Variants in ADCY2 observed in about 807,000 individuals in gnomAD.
ADCY2 encodes adenylate cyclase 2.
Under a neutral mutation model 125.2 loss-of-function variants are expected in ADCY2, and 31 were observed. The ratio of observed to expected loss-of-function variants is 0.25; its 90% CI spans 0.19 to 0.33. ADCY2 has a LOEUF of 0.33. Among genes scored for constraint, ADCY2 ranks in the 10% least tolerant of loss-of-function variants. The pLI is 1.00. For synonymous variants in ADCY2, 512 were observed against 548.4 expected (o/e 0.93, Z 0.93); for missense variants, 904 against 1,418.2 (o/e 0.64, Z 5.82).
intron 4 of ADCY2, among the ~76,000 whole-genome samples, chr5:7,673,466 C>A (rs1740010822): frequency 6.6e-6 from 1 of 151,360 alleles, no homozygotes; most frequent in African/African-American, 2.4e-5. Flanking sequence ...TCAAACAAAC[C>A]TACAATGTGC....
intron 3 of ADCY2, among the ~76,000 whole-genome samples, chr5:7,538,557 T>C (rs1420167151): frequency 6.6e-6 from 1 of 152,206 alleles, no homozygotes; most frequent in Non-Finnish European, 1.5e-5. Context: ...GAACTTCTGC[T>C]TGAAATATTT....
chr5:7,804,427 T>G (rs17242064), intron 21 of ADCY2, among the ~76,000 whole-genome samples, 158 bp from the exon 22 acceptor site: 3,982 of 152,292 alleles, frequency 0.026, 72 homozygotes, highest in Non-Finnish European at 0.038. Flanking sequence ...ACAAGAAGTT[T>G]TCATTCCTGG....
At chr5:7,422,087 A>G (rs2126352781) in intron 2 of ADCY2, among the ~76,000 whole-genome samples, 1 of 152,350 alleles carries the variant, frequency 6.6e-6, no homozygotes, top group East Asian at 1.9e-4. Flanking sequence ...GGCATTGATT[A>G]AATCCTTCTT....
intron 3 of ADCY2, among the ~76,000 whole-genome samples, chr5:7,577,082 G>T (rs963766188): frequency 6.6e-6 from 1 of 152,070 alleles, no homozygotes; most frequent in African/African-American, 2.4e-5. Context: ...CCTTTAGTTT[G>T]TGATACGAAG....
intron 18 of ADCY2, among the ~76,000 whole-genome samples, chr5:7,773,803 C>G (rs1743629580): frequency 6.6e-6 from 1 of 152,190 alleles, no homozygotes; most frequent in Non-Finnish European, 1.5e-5. Flanking sequence ...CAGGTGTACT[C>G]ACTGAGGTTT....
At chr5:7,402,732 G>T (rs1271436773) in intron 1 of ADCY2, among the ~76,000 whole-genome samples, 4 of 151,976 alleles carry the variant, frequency 2.6e-5, no homozygotes, top group African/African-American at 9.7e-5. Flanking sequence ...TCAATTATAG[G>T]GCAATTAAAA....
intron 2 of ADCY2, among the ~76,000 whole-genome samples, chr5:7,475,620 G>A (rs756813779): frequency 6.6e-6 from 1 of 152,132 alleles, no homozygotes; most frequent in Non-Finnish European, 1.5e-5. Flanking sequence ...GACTTCTGGC[G>A]ATCCACCCGC....
rs1402199622 is a variant in ADCY2, at chr5:7,743,545, A to C, written c.1872-123A>C. The C allele has an allele frequency of 5.9e-5, 49 of 836,518 alleles. No homozygotes were observed. In the Admixed American group the frequency reaches 1.1e-3, roughly 19 times the overall value. 51.8% of individuals were successfully genotyped at this position (836,518 alleles called of 1,614,324 possible). On this transcript the variant is annotated intron_variant, in intron 14 of 24. Transcript: ENST00000338316. Reference sequence around the variant, plus strand: ...TTAGCTCCATTTTTATTTCTCAAAAATTTAGTGAGGATTGCAGTCTGCATT... The same window carrying C: ...TTAGCTCCATTTTTATTTCTCAAAACTTTAGTGAGGATTGCAGTCTGCATT...
At chr5:7,399,894 TA>T (rs1739199088) in intron 1 of ADCY2, among the ~76,000 whole-genome samples, 1 of 152,230 alleles carries the variant, frequency 6.6e-6, no homozygotes, top group East Asian at 1.9e-4. Flanking sequence ...TTTTAAGTCA[TA>T]AATCTTATCA....
chr5:7,638,064 T>A (rs975942262), intron 4 of ADCY2, among the ~76,000 whole-genome samples: 2 of 152,216 alleles, frequency 1.3e-5, no homozygotes, highest in Non-Finnish European at 2.9e-5. Flanking sequence ...CAGCAACAGA[T>A]ATCCTGAGCC....
At chr5:7,616,740 G>A (rs959843424) in intron 3 of ADCY2, among the ~76,000 whole-genome samples, 10 of 152,100 alleles carry the variant, frequency 6.6e-5, no homozygotes, top group African/African-American at 2.2e-4. Flanking sequence ...ATATTGTGAT[G>A]GACTGAATTG....
chr5:7,456,541 A>C (rs1429302554), intron 2 of ADCY2, among the ~76,000 whole-genome samples: 1 of 152,222 alleles, frequency 6.6e-6, no homozygotes, highest in African/African-American at 2.4e-5. Context: ...TATTGCGATC[A>C]GGCTCAAGAA....
At chr5:7,510,490 A>G (rs899620145) in intron 2 of ADCY2, among the ~76,000 whole-genome samples, 1 of 152,174 alleles carries the variant, frequency 6.6e-6, no homozygotes, top group African/African-American at 2.4e-5. Context: ...GATTCAGTCA[A>G]TTTAGGGTGG....
intron 15 of ADCY2, among the ~76,000 whole-genome samples, chr5:7,757,021 A>T (rs1257920269): frequency 6.6e-6 from 1 of 152,172 alleles, no homozygotes; most frequent in Non-Finnish European, 1.5e-5. Flanking sequence ...TAATCTGCTA[A>T]TGCAGTGTTA....
chr5:7,610,536 G>A (rs1737543693), intron 3 of ADCY2, among the ~76,000 whole-genome samples: 1 of 152,150 alleles, frequency 6.6e-6, no homozygotes, highest in Non-Finnish European at 1.5e-5. Flanking sequence ...GAGAGACAGG[G>A]ATCAAGAAAT....
At chr5:7,627,053 A>C (rs1274358020) in intron 4 of ADCY2, among the ~76,000 whole-genome samples, 2 of 152,178 alleles carry the variant, frequency 1.3e-5, no homozygotes, top group African/African-American at 4.8e-5. Context: ...TGTTTATGAC[A>C]AGCATTTGCA....
At chr5:7,526,229 G>A (rs1463460745) in intron 3 of ADCY2, among the ~76,000 whole-genome samples, 3 of 152,194 alleles carry the variant, frequency 2.0e-5, no homozygotes, top group Non-Finnish European at 4.4e-5. Context: ...ATCCACTGCT[G>A]GTGCAGATGC....
At chr5:7,442,396 G>A (rs1326483515) in intron 2 of ADCY2, among the ~76,000 whole-genome samples, 1 of 152,126 alleles carries the variant, frequency 6.6e-6, no homozygotes. Flanking sequence ...AATATGTTCT[G>A]TAAACTGAGC....
intron 3 of ADCY2, among the ~76,000 whole-genome samples, chr5:7,624,858 G>A (rs1293580971): frequency 2.0e-5 from 3 of 152,142 alleles, no homozygotes; most frequent in Non-Finnish European, 4.4e-5. Flanking sequence ...GTCTTGGTGG[G>A]AATACAAGTC....
Sources: gnomAD v4.1 joint callset for allele counts (sites outside exome capture counted in the v4.1 genomes callset) on GRCh38, gnomAD v4.1.1 for gene constraint, MANE v1.5 for transcripts, NCBI Gene and HGNC (gene_info 2026-07-23, HGNC 2026-07-21) for gene names.